Variants in HS3ST4 observed in about 807,000 individuals in gnomAD.
The protein encoded by HS3ST4 is heparan sulfate-glucosamine 3-sulfotransferase 4, also known as heparan sulfate glucosamine 3-O-sulfotransferase 4.
A neutral mutation model predicts 29.2 loss-of-function variants in HS3ST4; 17 were observed. The ratio of observed to expected loss-of-function variants is 0.58; its 90% CI spans 0.40 to 0.87. The LOEUF (loss-of-function observed/expected upper bound fraction) is 0.87, where lower values mean the gene tolerates loss of function less well. Among genes scored for constraint, HS3ST4 ranks in the 40% least tolerant of loss-of-function variants. The pLI is 0.00. For missense variants in HS3ST4, 627 were observed against 634.5 expected, an observed-to-expected ratio of 0.99 and a Z score of 0.13; for synonymous variants, 314 against 285.7, an observed-to-expected ratio of 1.10 and a Z score of -1.00.
intron 1 of HS3ST4, among the ~76,000 whole-genome samples, chr16:25,705,871 A>C (rs957600935): frequency 1.3e-5 from 2 of 152,170 alleles, no homozygotes; most frequent in Admixed American, 6.5e-5. Flanking sequence ...AGGGTAGAAT[A>C]GTGACTGTGT....
chr16:25,699,382 A>G (rs574540189), intron 1 of HS3ST4, among the ~76,000 whole-genome samples: 34 of 152,380 alleles, frequency 2.2e-4, no homozygotes, highest in African/African-American at 8.2e-4. Context: ...GAAAATTCGC[A>G]AATACATTCC....
intron 1 of HS3ST4, among the ~76,000 whole-genome samples, chr16:26,115,680 G>A (rs887505498): frequency 1.3e-5 from 2 of 152,078 alleles, no homozygotes; most frequent in African/African-American, 4.8e-5. Context: ...GCTGATGAGG[G>A]AGAAGGAGCC....
intron 1 of HS3ST4, among the ~76,000 whole-genome samples, chr16:26,026,848 G>A (rs1431953358): frequency 2.6e-5 from 4 of 152,172 alleles, no homozygotes; most frequent in African/African-American, 9.7e-5. Context: ...GAGCCACCAG[G>A]AACTTCCGCT....
At chr16:25,698,424 A>G (rs1966313771) in intron 1 of HS3ST4, among the ~76,000 whole-genome samples, 1 of 152,158 alleles carries the variant, frequency 6.6e-6, no homozygotes, top group African/African-American at 2.4e-5. Context: ...TCTTGATTCT[A>G]AAAGCACTGT....
intron 1 of HS3ST4, among the ~76,000 whole-genome samples, chr16:25,809,699 A>AATTTTTT (rs1967022893): frequency 6.6e-6 from 1 of 152,010 alleles, no homozygotes; most frequent in South Asian, 2.1e-4. Context: ...AGGACTATTC[A>AATTTTTT]ATTTTTTTGT....
chr16:25,755,307 A>G (rs1966750280), intron 1 of HS3ST4, among the ~76,000 whole-genome samples: 2 of 152,222 alleles, frequency 1.3e-5, no homozygotes, highest in South Asian at 4.1e-4. Flanking sequence ...TCATAATGTA[A>G]TCCTCAGGAG....
At chr16:25,976,691 C>G (rs1237922407) in intron 1 of HS3ST4, among the ~76,000 whole-genome samples, 1 of 152,138 alleles carries the variant, frequency 6.6e-6, no homozygotes, top group Non-Finnish European at 1.5e-5. Context: ...GCTTCCATAC[C>G]AGTAAAATGA....
intron 1 of HS3ST4, among the ~76,000 whole-genome samples, chr16:25,720,609 A>G (rs566695218): frequency 1.3e-5 from 2 of 152,304 alleles, no homozygotes; most frequent in East Asian, 1.9e-4. Context: ...TAAAAAATCC[A>G]TGAAAAAGAA....
intron 1 of HS3ST4, among the ~76,000 whole-genome samples, chr16:25,911,642 G>A (rs1968241356): frequency 6.6e-6 from 1 of 151,478 alleles, no homozygotes; most frequent in Non-Finnish European, 1.5e-5. Context: ...TAGTAGCTGG[G>A]ACTATTACTG....
chr16:25,921,759 C>T (rs200826624), intron 1 of HS3ST4, among the ~76,000 whole-genome samples: 143 of 141,592 alleles, frequency 1.0e-3, no homozygotes, highest in Admixed American at 1.9e-3. Flanking sequence ...TTTTTTTTTT[C>T]TTTTTTTTTT....
intron 1 of HS3ST4, among the ~76,000 whole-genome samples, chr16:25,719,980 A>G (rs2141589063): frequency 6.6e-6 from 1 of 152,344 alleles, no homozygotes; most frequent in South Asian, 2.1e-4. Context: ...CGTGAGTGTT[A>G]TACACAATTT....
At chr16:26,092,282 A>G (rs538775062) in intron 1 of HS3ST4, among the ~76,000 whole-genome samples, 1 of 152,304 alleles carries the variant, frequency 6.6e-6, no homozygotes, top group South Asian at 2.1e-4. Flanking sequence ...CCACAGGACA[A>G]TCCTAGCTCT....
At chr16:25,800,150 A>G (rs1440918969) in intron 1 of HS3ST4, among the ~76,000 whole-genome samples, 3 of 148,028 alleles carry the variant, frequency 2.0e-5, no homozygotes, top group African/African-American at 7.5e-5. Flanking sequence ...CCCCTAGATC[A>G]TTGACTCCAT....
intron 1 of HS3ST4, among the ~76,000 whole-genome samples, chr16:25,954,708 C>T (rs1968712083): frequency 6.6e-6 from 1 of 152,080 alleles, no homozygotes; most frequent in Non-Finnish European, 1.5e-5. Flanking sequence ...TTTTGAGCAC[C>T]AAGGTGACTC....
At chr16:26,026,531 T>C (rs1040984833) in intron 1 of HS3ST4, among the ~76,000 whole-genome samples, 1 of 152,122 alleles carries the variant, frequency 6.6e-6, no homozygotes, top group Non-Finnish European at 1.5e-5. Flanking sequence ...CCCATAGTCA[T>C]GAAACAGATA....
chr16:25,911,306 G>T (rs1028775934), intron 1 of HS3ST4, among the ~76,000 whole-genome samples: 1 of 152,042 alleles, frequency 6.6e-6, no homozygotes, highest in African/African-American at 2.4e-5. Context: ...TGCAGAAATG[G>T]AGTCTCTGCA....
chr16:25,870,284 T>A (rs1221741197), intron 1 of HS3ST4, among the ~76,000 whole-genome samples: 1 of 152,034 alleles, frequency 6.6e-6, no homozygotes, highest in Non-Finnish European at 1.5e-5. Context: ...CAACAGTGAA[T>A]AAAACAAATA....
At chr16:25,899,671 A>ATTT (rs561490560) in intron 1 of HS3ST4, among the ~76,000 whole-genome samples, 14 of 142,922 alleles carry the variant, frequency 9.8e-5, no homozygotes, top group South Asian at 2.2e-4. Flanking sequence ...ACGCTCAGCT[A>ATTT]TTTTTTTTTT....
chr16:25,829,111 A>T (rs774953606), intron 1 of HS3ST4, among the ~76,000 whole-genome samples: 20 of 152,240 alleles, frequency 1.3e-4, no homozygotes, highest in Non-Finnish European at 2.8e-4. Context: ...GTGTGCAACA[A>T]GTGTGTCTCT....
Sources: gnomAD v4.1 joint callset for allele counts (sites outside exome capture counted in the v4.1 genomes callset) on GRCh38, gnomAD v4.1.1 for gene constraint, MANE v1.5 for transcripts, NCBI Gene and HGNC (gene_info 2026-07-23, HGNC 2026-07-21) for gene names.